CA5A: variants seen among roughly 807,000 people sequenced by gnomAD.
The protein encoded by CA5A is carbonic anhydrase 5A, mitochondrial.
Under a neutral mutation model 37.1 loss-of-function variants are expected in CA5A, and 28 were observed. The ratio of observed to expected loss-of-function variants is 0.75; its 90% CI spans 0.56 to 1.03. The LOEUF (loss-of-function observed/expected upper bound fraction) is 1.03, where lower values mean the gene tolerates loss of function less well. CA5A is among the 50% of genes least tolerant of loss of function. The probability of loss-of-function intolerance (pLI) is 0.00; values close to 1 mark genes in which losing one functional copy is unlikely to be tolerated. For missense variants in CA5A, 444 were observed against 399.9 expected, an observed-to-expected ratio of 1.11 and a Z score of -0.94; for synonymous variants, 171 against 158.4, an observed-to-expected ratio of 1.08 and a Z score of -0.60.
chr16:87,926,636 C>G, intron 2 of CA5A, 112 bp downstream of exon 2: 1 of 831,898 alleles, frequency 1.2e-6, no homozygotes, highest in African/African-American at 1.7e-5. Context: ...GCCCCAGCAG[C>G]ACAAGGAAAG....
chr16:87,926,592 A>G (rs564352910), intron 2 of CA5A, among the ~76,000 whole-genome samples, 156 bp downstream of exon 2: 190 of 152,198 alleles, frequency 1.2e-3, no homozygotes, highest in African/African-American at 4.4e-3. Flanking sequence ...ACCATCCCCC[A>G]GGTGTGTCCT....
At chr16:87,921,509 G>C (rs887560399) in intron 2 of CA5A, among the ~76,000 whole-genome samples, 5 of 152,180 alleles carry the variant, frequency 3.3e-5, no homozygotes, top group Non-Finnish European at 5.9e-5. Flanking sequence ...AAAACTCCTT[G>C]GCTCTCATTG....
chr16:87,928,792 G>A (rs1475553813), intron 1 of CA5A, among the ~76,000 whole-genome samples: 10 of 117,362 alleles, frequency 8.5e-5, no homozygotes, highest in African/African-American at 2.3e-4. Flanking sequence ...TTTTTGAGAC[G>A]GAGTCTCACT....
chr16:87,901,927 C>T lies in CA5A; in HGVS notation c.603G>A (p.Pro201=), dbSNP rs189523393. 2.9e-5 allele frequency: 46 copies of T among 1,612,938 alleles called. No homozygotes were observed. The highest frequency in any genetic ancestry group is 2.4e-4 in the African/African-American group (18 of 74,970). ...QTLQRLVDIL[P]EIKHKDARAA... The stretch of plus-strand genomic sequence containing the variant: ...TGCAGCTTACCTTATGTTTTATTTC[C>T]GGCAAGATGTCCACCAGCCTCTGCA... The change falls in exon 5 of 7, where the codon CCG becomes CCA. Residue 201 remains proline, a synonymous_variant. Transcript: ENST00000649794.
intron 1 of CA5A, among the ~76,000 whole-genome samples, chr16:87,927,336 G>T (rs1028187535): frequency 5.9e-5 from 9 of 152,124 alleles, no homozygotes; most frequent in Admixed American, 1.3e-4. Flanking sequence ...TGGGGCTCTT[G>T]TCTCTCGGGA....
At chr16:87,895,664 C>A (rs1293646584) in intron 5 of CA5A, among the ~76,000 whole-genome samples, 1 of 152,228 alleles carries the variant, frequency 6.6e-6, no homozygotes, top group Non-Finnish European at 1.5e-5. Flanking sequence ...AGAACTTCCA[C>A]CTCAAGGGGG....
intron 6 of CA5A, among the ~76,000 whole-genome samples, chr16:87,888,919 A>ATT (rs56196809): frequency 2.5e-3 from 336 of 136,128 alleles, no homozygotes; most frequent in Non-Finnish European, 2.5e-3. Context: ...CGCCCGGCTA[A>ATT]TTTTTTTTTT....
At chr16:87,886,718 T>C (rs2055651341), downstream of CA5A, 3 of 152,198 alleles carry the variant, frequency 2.0e-5, no homozygotes, top group South Asian at 6.2e-4. Context: ...AATCAATAGA[T>C]AGATCAATCA....
chr16:87,894,115 A>G (rs1197473369), intron 5 of CA5A, among the ~76,000 whole-genome samples: 1 of 152,000 alleles, frequency 6.6e-6, no homozygotes, highest in Admixed American at 6.6e-5. Context: ...GGGTAGTTCT[A>G]TTTATAACTT....
intron 4 of CA5A, 97 bp downstream of exon 4, chr16:87,902,328 T>C (rs2143949838): frequency 1.1e-5 from 8 of 744,366 alleles, no homozygotes; most frequent in Non-Finnish European, 1.9e-5. Context: ...CACTCCAGCC[T>C]GTGTGACACA....
intron 1 of CA5A, among the ~76,000 whole-genome samples, chr16:87,931,111 A>ATTT (rs939722379): frequency 7.9e-6 from 1 of 125,906 alleles, no homozygotes; most frequent in African/African-American, 3.0e-5. Flanking sequence ...TTGTCAAGTA[A>ATTT]TTTTTTTTTT....
At chr16:87,919,146 AAGGTCAG>A (rs2056195912) in intron 2 of CA5A, among the ~76,000 whole-genome samples, 1 of 152,196 alleles carries the variant, frequency 6.6e-6, no homozygotes, top group African/African-American at 2.4e-5. Context: ...GGGTCGGGAC[AAGGTCAG>A]AGGCTGACGC....
At chr16:87,931,814 C>T (rs901001934) in intron 1 of CA5A, among the ~76,000 whole-genome samples, 3 of 152,222 alleles carry the variant, frequency 2.0e-5, no homozygotes, top group Admixed American at 6.5e-5. Context: ...CTCTCTCACG[C>T]GATAGACAAC....
chr16:87,883,328 T>TTG (rs1555518689), downstream of CA5A: 13 of 143,478 alleles, frequency 9.1e-5, no homozygotes, highest in African/African-American at 3.4e-4. Context: ...TAGCCTTAGT[T>TTG]TTTTTTTTTT....
intron 2 of CA5A, chr16:87,924,429 C>T (rs1000534756): frequency 9.5e-6 from 5 of 524,592 alleles, no homozygotes; most frequent in African/African-American, 2.1e-5. Context: ...CTCTCACGCC[C>T]TGCCCCCAAC....
chr16:87,915,979 C>T (rs1007155232), intron 2 of CA5A, among the ~76,000 whole-genome samples: 2 of 151,900 alleles, frequency 1.3e-5, no homozygotes, highest in East Asian at 3.9e-4. Context: ...GGAGGCCTCG[C>T]AATCACGGCA....
At chr16:87,921,482 T>C (rs928887637) in intron 2 of CA5A, among the ~76,000 whole-genome samples, 1 of 152,202 alleles carries the variant, frequency 6.6e-6, no homozygotes, top group African/African-American at 2.4e-5. Context: ...ATAATCTCTT[T>C]AAATACGTCC....
downstream of CA5A, chr16:87,886,202 T>C (rs561053630): frequency 6.8e-6 from 1 of 146,242 alleles, no homozygotes; most frequent in South Asian, 2.3e-4. Flanking sequence ...CAGGCTGGAA[T>C]GCAATGGCGC....
chr16:87,899,875 G>T (rs532169349), intron 5 of CA5A, among the ~76,000 whole-genome samples: 1 of 127,738 alleles, frequency 7.8e-6, no homozygotes, highest in Non-Finnish European at 1.6e-5. Context: ...AGCCGAGGTC[G>T]CACCATTGCA....
Sources: allele counts gnomAD v4.1 joint callset (sites outside exome capture counted in the v4.1 genomes callset), GRCh38; gene constraint gnomAD v4.1.1; transcripts MANE v1.5; gene names NCBI Gene and HGNC (gene_info 2026-07-23, HGNC 2026-07-21).